The following PDE3B variants were observed in gnomAD, a reference collection of about 807,000 sequenced individuals.
The protein encoded by PDE3B is cGMP-inhibited 3',5'-cyclic phosphodiesterase 3B.
In PDE3B, 66 loss-of-function variants were observed where a neutral mutation model predicts 116.8. That is an observed-to-expected ratio of 0.56 (90% confidence interval 0.46 to 0.69). The LOEUF (loss-of-function observed/expected upper bound fraction) is 0.69, where lower values mean the gene tolerates loss of function less well. Among genes scored for constraint, PDE3B ranks in the 30% least tolerant of loss-of-function variants. PDE3B has a pLI of 0.00. For missense variants in PDE3B, 1,384 were observed against 1,368.1 expected (o/e 1.01, Z -0.18); for synonymous variants, 595 against 533.6 (o/e 1.12, Z -1.59).
the PDE3B span, among the ~76,000 whole-genome samples, chr11:14,877,237 G>A: frequency 6.6e-6 from 1 of 152,102 alleles, no homozygotes; most frequent in Non-Finnish European, 1.5e-5. Flanking sequence ...ACTCTCAAGT[G>A]TCCCAGTTTA....
chr11:14,792,867 T>G (rs529305081), intron 4 of PDE3B, among the ~76,000 whole-genome samples: 1 of 152,300 alleles, frequency 6.6e-6, no homozygotes, highest in East Asian at 1.9e-4. Flanking sequence ...CTGGAGGTCC[T>G]TCTCCCTTCT....
intron 1 of PDE3B, among the ~76,000 whole-genome samples, chr11:14,664,683 C>T (rs1854067299): frequency 1.3e-5 from 2 of 152,154 alleles, no homozygotes; most frequent in Admixed American, 1.3e-4. Context: ...GGGATAAATT[C>T]CTCGACACAT....
At chr11:14,756,174 A>G (rs757588354) in intron 1 of PDE3B, among the ~76,000 whole-genome samples, 4 of 152,158 alleles carry the variant, frequency 2.6e-5, no homozygotes, top group Admixed American at 6.5e-5. Context: ...TTTATATGCA[A>G]GTGTTTCTGC....
chr11:14,732,920 T>G (rs911265825), intron 1 of PDE3B, among the ~76,000 whole-genome samples: 3 of 152,232 alleles, frequency 2.0e-5, no homozygotes, highest in African/African-American at 7.2e-5. Flanking sequence ...GATCTTTAGA[T>G]TGATACAATT....
At chr11:14,717,461 A>G (rs1215656515) in intron 1 of PDE3B, among the ~76,000 whole-genome samples, 5 of 44,930 alleles carry the variant, frequency 1.1e-4, no homozygotes, top group South Asian at 1.2e-3. Flanking sequence ...TCCAAGACAC[A>G]TAATTGTCAG....
At chr11:14,663,828 T>C (rs986467102) in intron 1 of PDE3B, among the ~76,000 whole-genome samples, 4 of 152,086 alleles carry the variant, frequency 2.6e-5, no homozygotes, top group Non-Finnish European at 4.4e-5. Context: ...ATGGGAGACT[T>C]TAACACCCCA....
intron 1 of PDE3B, among the ~76,000 whole-genome samples, chr11:14,668,251 C>G (rs1448497196): frequency 1.3e-5 from 2 of 152,018 alleles, no homozygotes; most frequent in Non-Finnish European, 2.9e-5. Flanking sequence ...TACTTAGAGC[C>G]AAGAAATACA....
chr11:14,863,991 A>G (rs1352665904), intron 14 of PDE3B, among the ~76,000 whole-genome samples: 2 of 152,232 alleles, frequency 1.3e-5, no homozygotes, highest in Non-Finnish European at 2.9e-5. Context: ...AAATGCCCCA[A>G]TTAAAAGGCA....
chr11:14,662,684 G>A (rs1393957806), intron 1 of PDE3B, among the ~76,000 whole-genome samples: 5 of 152,206 alleles, frequency 3.3e-5, no homozygotes, highest in African/African-American at 1.2e-4. Context: ...GAGCTGATGC[G>A]ATCAACTGGA....
At chr11:14,765,317 A>G (rs1224556149) in intron 1 of PDE3B, among the ~76,000 whole-genome samples, 1 of 151,996 alleles carries the variant, frequency 6.6e-6, no homozygotes, top group African/African-American at 2.4e-5. Context: ...ATAGAGAACA[A>G]TGAAATAAAG....
intron 12 of PDE3B, among the ~76,000 whole-genome samples, chr11:14,845,115 C>T (rs573066928): frequency 3.9e-5 from 6 of 152,060 alleles, no homozygotes; most frequent in South Asian, 2.1e-4. Flanking sequence ...ACACCTCACA[C>T]GGCTGGGTAC....
chr11:14,892,215 C>T, the PDE3B span: 1 of 1,607,964 alleles, frequency 6.2e-7, no homozygotes, highest in Admixed American at 1.7e-5. Context: ...TCGGCCCGAG[C>T]TGGAGGTGCG....
At chr11:14,884,774 A>AT in the PDE3B span, among the ~76,000 whole-genome samples, 1 of 152,150 alleles carries the variant, frequency 6.6e-6, no homozygotes, top group South Asian at 2.1e-4. Flanking sequence ...ATGCTTTATG[A>AT]TAAAAACAGT....
At chr11:14,774,383 A>G (rs980543425) in intron 2 of PDE3B, 1 of 152,188 alleles carries the variant, frequency 6.6e-6, no homozygotes, top group African/African-American at 2.4e-5. Context: ...ACTTAATACA[A>G]ATGTGGGCCA....
intron 5 of PDE3B, among the ~76,000 whole-genome samples, chr11:14,815,502 A>C (rs554497302): frequency 6.6e-6 from 1 of 152,234 alleles, no homozygotes; most frequent in Non-Finnish European, 1.5e-5. Context: ...GCTGGGGGCC[A>C]CCCACAGTTC....
chr11:14,883,505 C>T, the PDE3B span, among the ~76,000 whole-genome samples: 1 of 151,138 alleles, frequency 6.6e-6, no homozygotes, highest in African/African-American at 2.4e-5. Context: ...AACTGGATCC[C>T]TTCCTTACAC....
At chr11:14,854,440 C>T (rs1275005595) in intron 12 of PDE3B, among the ~76,000 whole-genome samples, 5 of 152,162 alleles carry the variant, frequency 3.3e-5, no homozygotes, top group African/African-American at 1.2e-4. Flanking sequence ...TTACATAGTT[C>T]CCACTCACTC....
chr11:14,759,758 C>T (rs1481011476), intron 1 of PDE3B, among the ~76,000 whole-genome samples: 4 of 151,730 alleles, frequency 2.6e-5, no homozygotes, highest in Non-Finnish European at 4.4e-5. Flanking sequence ...CATGTTGGCC[C>T]AGATGGTCTC....
chr11:14,742,490 T>A (rs1281818046), intron 1 of PDE3B, among the ~76,000 whole-genome samples: 1 of 152,228 alleles, frequency 6.6e-6, no homozygotes, highest in African/African-American at 2.4e-5. Context: ...TCATCTAACC[T>A]TTTTTCTAGG....
Sources: gnomAD v4.1 joint callset for allele counts (sites outside exome capture counted in the v4.1 genomes callset) on GRCh38, gnomAD v4.1.1 for gene constraint, MANE v1.5 for transcripts, NCBI Gene and HGNC (gene_info 2026-07-23, HGNC 2026-07-21) for gene names.